The following TRMT61B variants were observed in gnomAD, a reference collection of about 807,000 sequenced individuals.
TRMT61B encodes tRNA (adenine(58)-N(1))-methyltransferase, mitochondrial.
TRMT61B carries 56 observed loss-of-function variants against 52.0 expected under a neutral mutation model. That is an observed-to-expected ratio of 1.08 (90% CI 0.87 to 1.35). The LOEUF is 1.35. Ranked by LOEUF, TRMT61B falls within the 40% of genes most tolerant of loss-of-function variation. TRMT61B has a pLI of 0.00. For missense variants in TRMT61B, 650 were observed against 577.9 expected, an observed-to-expected ratio of 1.12 and a Z score of -1.28; for synonymous variants, 206 against 220.0, an observed-to-expected ratio of 0.94 and a Z score of 0.56.
chr2:28,865,587 T>A (rs949406650), intron 1 of TRMT61B, among the ~76,000 whole-genome samples: 1 of 150,724 alleles, frequency 6.6e-6, no homozygotes, highest in Non-Finnish European at 1.5e-5. Flanking sequence ...GGCAGAAGAA[T>A]ACAGGATCTA....
rs1669338762 is a variant in TRMT61B at position 28,856,323 on chromosome 2, C to T, written c.994-3824G>A. 2.0e-5 allele frequency among the ~76,000 whole-genome samples: 3 copies of T among 152,172 alleles called. No individual in the cohort carries two copies. The South Asian group carries it at 6.2e-4, about 32-fold the overall frequency. ...TCCAGTGTTTCTGAAATTAATCCCA[C>T]AGACATTGACTTAGGTCAACACCTC... On this transcript the variant is annotated intron_variant, in intron 3 of 6. Coordinates refer to ENST00000306108, the MANE Select transcript of TRMT61B (RefSeq NM_017910.4).
chr2:28,854,905 A>G (rs974612834), intron 3 of TRMT61B, among the ~76,000 whole-genome samples: 1 of 152,092 alleles, frequency 6.6e-6, no homozygotes, highest in African/African-American at 2.4e-5. Context: ...GGGTGACAGG[A>G]TAAGACCCTA....
chr2:28,863,652 T>C (rs896171419), intron 2 of TRMT61B, among the ~76,000 whole-genome samples: 5 of 152,154 alleles, frequency 3.3e-5, no homozygotes, highest in Non-Finnish European at 7.3e-5. Flanking sequence ...AGTTAGGAAT[T>C]TGTCATAGAT....
intron 2 of TRMT61B, among the ~76,000 whole-genome samples, chr2:28,864,161 C>T (rs889287969): frequency 1.9e-4 from 29 of 152,088 alleles, no homozygotes; most frequent in African/African-American, 6.7e-4. Context: ...TACTTAATAG[C>T]TCTGTACTAT....
chr2:28,865,824 G>A (rs1212787169), intron 1 of TRMT61B, among the ~76,000 whole-genome samples: 2 of 151,280 alleles, frequency 1.3e-5, no homozygotes, highest in Admixed American at 1.3e-4. Context: ...GGGATTACAG[G>A]TGCCTGCCAC....
chr2:28,853,320 C>T (rs892951097), intron 3 of TRMT61B, among the ~76,000 whole-genome samples: 3 of 152,112 alleles, frequency 2.0e-5, no homozygotes, highest in African/African-American at 7.2e-5. Flanking sequence ...AGACTACAGG[C>T]AGGCGCCACC....
chr2:28,868,923 G>C (rs547377916), intron 1 of TRMT61B, among the ~76,000 whole-genome samples: 4 of 152,270 alleles, frequency 2.6e-5, no homozygotes, highest in African/African-American at 9.6e-5. Context: ...AGAATCGCTT[G>C]AACCCGGGAG....
rs757859454 is a variant in TRMT61B at position 28,852,536 on chromosome 2, T to G, written c.994-37A>C. 5 of 1,322,086 alleles carry G rather than the reference T, an allele frequency of 3.8e-6. No individual in the cohort carries two copies. In the South Asian group the frequency reaches 6.2e-5, roughly 16 times the overall value. 81.9% of individuals were successfully genotyped at this position (1,322,086 alleles called of 1,614,324 possible). A position where few individuals can be genotyped will look rare whatever the true frequency, so the allele number is the denominator to read the frequency against. ...AAAAAGAGAACTGGATCAGTCTGAT[T>G]CCGTTTAAATAAAGCATAAGTTTTC... On this transcript the variant is annotated intron_variant, in intron 3 of 6. Coordinates refer to ENST00000306108, the MANE Select transcript of TRMT61B (RefSeq NM_017910.4).
intron 2 of TRMT61B, among the ~76,000 whole-genome samples, chr2:28,863,453 AAAC>A (rs1669695650): frequency 6.6e-6 from 1 of 152,068 alleles, no homozygotes; most frequent in East Asian, 1.9e-4. Context: ...AAAGTAACAT[AAAC>A]AACTGGAAAA....
intron 5 of TRMT61B, 83 bp from the exon 6 acceptor site, chr2:28,850,488 C>T: frequency 1.1e-6 from 1 of 903,108 alleles, no homozygotes; most frequent in East Asian, 2.7e-5. Context: ...ATGAGTTACT[C>T]TCTTTATTGT....
At chr2:28,863,205 G>C (rs1258979939) in intron 2 of TRMT61B, among the ~76,000 whole-genome samples, 1 of 152,048 alleles carries the variant, frequency 6.6e-6, no homozygotes, top group African/African-American at 2.4e-5. Context: ...GGAGGCTTAG[G>C]CAAGATTGCT....
chr2:28,862,571 A>G (rs972666570), intron 2 of TRMT61B, among the ~76,000 whole-genome samples: 1 of 151,452 alleles, frequency 6.6e-6, no homozygotes, highest in African/African-American at 2.4e-5. Context: ...GAGCTCAAGC[A>G]ATCTGCCTGC....
chr2:28,851,321 A>G (rs777087759), intron 4 of TRMT61B, 23 bp from the exon 5 acceptor site: 34 of 1,476,254 alleles, frequency 2.3e-5, no homozygotes, highest in Non-Finnish European at 2.7e-5. Flanking sequence ...TGAAAAATTT[A>G]CATTTCTACT....
Position 28,869,874 on chromosome 2 carries a change from T to C in TRMT61B, c.404A>G (p.Glu135Gly), listed in dbSNP as rs566393004. 1.2e-5 allele frequency: 19 copies of C among 1,614,074 alleles called. No individual in the cohort carries two copies. The highest frequency in any genetic ancestry group is 8.0e-5 in the African/African-American group (6 of 74,932). ...LSQAQSATEV[E>G]ERHVSPSCST... ...ACAAGAAGGGGAGACGTGACGCTCT[T>C]CGACCTCGGTAGCGGACTGGGCCTG... Residue 135 changes from glutamate to glycine, a missense_variant, in exon 1 of 7, where the codon GAA (glutamate) becomes GGA (glycine). Glu to Gly is a moderately conservative substitution (Grantham distance 98). Coordinates refer to ENST00000306108, the MANE Select transcript of TRMT61B (RefSeq NM_017910.4).
In TRMT61B at chr2:28,851,066, G is replaced by A. The variant is rs753952782; in HGVS notation, c.1312+6C>T. On this transcript the variant is annotated splice_donor_region_variant and intron_variant, in intron 5 of 6. Transcript: ENST00000306108. ...ACTGCATGCATAAAGTAAAACTGAA[G>A]CTCACCATGGTCATCCTCTTGAAAC... 1 of 1,581,926 alleles carries A rather than the reference G, an allele frequency of 6.3e-7. No individual in the cohort carries two copies. The highest frequency in any genetic ancestry group is 1.1e-5 in the South Asian group (1 of 87,450).
In TRMT61B at chr2:28,869,964, G is replaced by A. The variant is rs750052513; in HGVS notation, c.314C>T (p.Ser105Leu). 5 of 1,613,832 alleles carry A rather than the reference G, an allele frequency of 3.1e-6. No individual in the cohort carries two copies. The highest frequency in any genetic ancestry group is 4.2e-6 in the Non-Finnish European group (5 of 1,180,014). The change falls in exon 1 of 7, where the codon TCG becomes TTG. Residue 105 changes from serine (S) to leucine (L), a missense_variant. Ser to Leu is a moderately radical substitution (Grantham distance 145). Transcript: ENST00000306108. The part of the protein sequence containing the change: ...EESSPRELED[S>L]SGDQGRCGPT... ...ACCGCACCGGCCCTGGTCTCCGCTC[G>A]AGTCCTCGAGCTCTCGAGGGGATGA...
At chr2:28,864,402 A>G (rs1039415587) in intron 2 of TRMT61B, among the ~76,000 whole-genome samples, 1 of 152,062 alleles carries the variant, frequency 6.6e-6, no homozygotes, top group Non-Finnish European at 1.5e-5. Context: ...ATTTAAATAG[A>G]GAGTATTATA....
chr2:28,850,653 G>C (rs1466836171), intron 5 of TRMT61B: 2 of 404,406 alleles, frequency 4.9e-6, no homozygotes, highest in Non-Finnish European at 8.7e-6. Flanking sequence ...TTGAAAACTT[G>C]TTCATGGCCT....
chr2:28,859,032 T>C (rs555519659), intron 3 of TRMT61B, among the ~76,000 whole-genome samples: 23 of 148,286 alleles, frequency 1.6e-4, no homozygotes, highest in African/African-American at 5.7e-4. Context: ...GTAGCTGGGA[T>C]TGTAGGCGCC....
Sources: gnomAD v4.1 joint callset for allele counts (sites outside exome capture counted in the v4.1 genomes callset) on GRCh38, gnomAD v4.1.1 for gene constraint, MANE v1.5 for transcripts, NCBI Gene and HGNC (gene_info 2026-07-23, HGNC 2026-07-21) for gene names.